The following SPMIP2 variants were observed in gnomAD, a reference collection of about 807,000 sequenced individuals.
The protein encoded by SPMIP2 is protein SPMIP2.
the SPMIP2 span, among the ~76,000 whole-genome samples, chr4:158,980,265 C>T: frequency 1.3e-5 from 2 of 152,186 alleles, no homozygotes; most frequent in African/African-American, 4.8e-5. Context: ...GAAGGGGCAG[C>T]TGTGGGTGCA....
At chr4:158,951,886 C>A in the SPMIP2 span, among the ~76,000 whole-genome samples, 4 of 152,188 alleles carry the variant, frequency 2.6e-5, no homozygotes, top group Non-Finnish European at 5.9e-5. Flanking sequence ...ATTCTCACTA[C>A]AGATGTGAGG....
chr4:158,966,894 A>ACC, the SPMIP2 span, among the ~76,000 whole-genome samples: 1 of 152,166 alleles, frequency 6.6e-6, no homozygotes, highest in Non-Finnish European at 1.5e-5. Flanking sequence ...CTAGAAAGTC[A>ACC]CCTCTAAAAG....
chr4:158,947,801 G>T, the SPMIP2 span, among the ~76,000 whole-genome samples: 1 of 151,924 alleles, frequency 6.6e-6, no homozygotes, highest in African/African-American at 2.4e-5. Flanking sequence ...AAAATATCCA[G>T]AAAGAGGTCA....
At chr4:159,019,373 T>A in the SPMIP2 span, among the ~76,000 whole-genome samples, 1 of 151,284 alleles carries the variant, frequency 6.6e-6, no homozygotes, top group Non-Finnish European at 1.5e-5. Context: ...TGCACAAGAT[T>A]TCCTCGGAGT....
At chr4:158,956,843 A>G in the SPMIP2 span, among the ~76,000 whole-genome samples, 1 of 152,086 alleles carries the variant, frequency 6.6e-6, no homozygotes, top group Non-Finnish European at 1.5e-5. Flanking sequence ...CCATAATTAC[A>G]TTTGTTTTGG....
chr4:158,975,133 C>T, the SPMIP2 span, among the ~76,000 whole-genome samples: 3 of 148,896 alleles, frequency 2.0e-5, no homozygotes, highest in East Asian at 2.0e-4. Context: ...TCATATCCTT[C>T]GCCCACTTTT....
the SPMIP2 span, among the ~76,000 whole-genome samples, chr4:159,082,153 G>A: frequency 1.5e-5 from 2 of 135,378 alleles, no homozygotes; most frequent in African/African-American, 2.9e-5. Context: ...CCCTATCTCT[G>A]CTAAGAATGC....
chr4:159,036,453 G>A, the SPMIP2 span, among the ~76,000 whole-genome samples: 1 of 152,164 alleles, frequency 6.6e-6, no homozygotes, highest in Admixed American at 6.5e-5. Context: ...GAGGTATAAA[G>A]ACCAGTCATT....
At chr4:158,965,880 G>A in the SPMIP2 span, among the ~76,000 whole-genome samples, 8 of 152,156 alleles carry the variant, frequency 5.3e-5, no homozygotes, top group Non-Finnish European at 1.0e-4. Flanking sequence ...AGCACTAGGA[G>A]ATGGTGGGTG....
chr4:158,949,417 A>G, the SPMIP2 span, among the ~76,000 whole-genome samples: 1 of 152,252 alleles, frequency 6.6e-6, no homozygotes, highest in African/African-American at 2.4e-5. Flanking sequence ...CTATCTATAC[A>G]ACAATCCAGT....
chr4:158,999,653 T>A, the SPMIP2 span, among the ~76,000 whole-genome samples: 2 of 152,224 alleles, frequency 1.3e-5, no homozygotes, highest in Admixed American at 6.5e-5. Context: ...CCCAGGGAAC[T>A]GGCTGTGCTT....
chr4:158,975,927 A>G, the SPMIP2 span, among the ~76,000 whole-genome samples: 1 of 152,200 alleles, frequency 6.6e-6, no homozygotes, highest in Non-Finnish European at 1.5e-5. Flanking sequence ...CTTGTTATCC[A>G]TGAGCACGGA....
the SPMIP2 span, among the ~76,000 whole-genome samples, chr4:158,948,754 G>A: frequency 6.6e-6 from 1 of 151,802 alleles, no homozygotes; most frequent in Non-Finnish European, 1.5e-5. Flanking sequence ...ACAGTTATGC[G>A]CCACCATGCC....
the SPMIP2 span, among the ~76,000 whole-genome samples, chr4:158,935,228 C>G: frequency 6.6e-6 from 1 of 152,166 alleles, no homozygotes. Flanking sequence ...TATGCAATCC[C>G]ATATGGCTGG....
At chr4:158,940,630 A>G in the SPMIP2 span, among the ~76,000 whole-genome samples, 1 of 146,992 alleles carries the variant, frequency 6.8e-6, no homozygotes, top group East Asian at 2.0e-4. Context: ...TTGGTTATGC[A>G]CTAACATATT....
At chr4:158,938,940 T>G in the SPMIP2 span, among the ~76,000 whole-genome samples, 1 of 152,232 alleles carries the variant, frequency 6.6e-6, no homozygotes, top group Non-Finnish European at 1.5e-5. Context: ...AAGTGTTGAA[T>G]ATAATTCCCG....
chr4:158,951,190 G>A, the SPMIP2 span, among the ~76,000 whole-genome samples: 6 of 152,114 alleles, frequency 3.9e-5, no homozygotes, highest in African/African-American at 7.2e-5. Context: ...CACCTAGTAC[G>A]TGAGTACTAA....
At chr4:158,929,345 T>C in the SPMIP2 span, among the ~76,000 whole-genome samples, 1 of 152,274 alleles carries the variant, frequency 6.6e-6, no homozygotes, top group Non-Finnish European at 1.5e-5. Flanking sequence ...TTGGATTGTT[T>C]AGTCCATTTA....
chr4:158,972,416 A>G, the SPMIP2 span, among the ~76,000 whole-genome samples: 3 of 152,214 alleles, frequency 2.0e-5, no homozygotes, highest in Non-Finnish European at 4.4e-5. Context: ...ATGAAACTTA[A>G]GAATTTGAGG....
Sources: allele counts gnomAD v4.1 joint callset (sites outside exome capture counted in the v4.1 genomes callset), GRCh38; gene constraint gnomAD v4.1.1; transcripts MANE v1.5; gene names NCBI Gene and HGNC (gene_info 2026-07-23, HGNC 2026-07-21).